CHRNA7: variants seen among roughly 807,000 people sequenced by gnomAD.
The protein encoded by CHRNA7 is cholinergic receptor nicotinic alpha 7 subunit.
In CHRNA7, 17 loss-of-function variants were observed where a neutral mutation model predicts 48.0. The observed-to-expected ratio is 0.35, with a 90% confidence interval of 0.24 to 0.53. The LOEUF (loss-of-function observed/expected upper bound fraction) is 0.53. Ranked by LOEUF, CHRNA7 falls within the 20% of genes least tolerant of loss-of-function variation. The pLI is 0.92. For missense variants in CHRNA7, 155 were observed against 577.7 expected (o/e 0.27, Z 7.50); for synonymous variants, 75 against 242.3 (o/e 0.31, Z 6.41).
At chr15:32,154,495 G>A (rs544839487) in intron 5 of CHRNA7, among the ~76,000 whole-genome samples, 11 of 10,614 alleles carry the variant, frequency 1.0e-3, no homozygotes, top group Middle Eastern at 0.012. Context: ...GCTCTCTAGC[G>A]GCTGACTTCT....
At chr15:32,095,477 T>C (rs1439217013) in intron 2 of CHRNA7, among the ~76,000 whole-genome samples, 1 of 152,204 alleles carries the variant, frequency 6.6e-6, no homozygotes, top group African/African-American at 2.4e-5. Flanking sequence ...AATAGCATTT[T>C]ATGGAAAATA....
Position 32,081,536 on chromosome 15 carries a change from C to A in CHRNA7, c.196-19767C>A, listed in dbSNP as rs144785076. Among the ~76,000 whole-genome samples, 566 of 152,076 alleles carry A rather than the reference C, an allele frequency of 3.7e-3. 4 individuals are homozygous for A. The highest frequency in any genetic ancestry group is 0.013 in the African/African-American group (532 of 41,482). The stretch of plus-strand genomic sequence containing the variant: ...ATATAAATTATTCCAATGAGTAATA[C>A]TCTATTGTTTGAATATTAGTCGTTT... On this transcript the variant is annotated intron_variant, in intron 2 of 9. Transcript: ENST00000306901.
At position 32,080,556 on chromosome 15, in the gene CHRNA7, G is replaced by A. The variant is rs182110625; in HGVS notation, c.196-20747G>A. Among the ~76,000 whole-genome samples the A allele has an allele frequency of 2.6e-5, 4 of 152,198 alleles. No homozygotes were observed. In the East Asian group the frequency reaches 5.8e-4, roughly 22 times the overall value. On this transcript the variant is annotated intron_variant, in intron 2 of 9. Transcript: ENST00000306901. ...ATATGAAAAAAAAGCTCCACATCAC[G>A]AATCATTAGAGAAATGCAAGTCAAA...
chr15:32,150,239 G>A (rs1284026141), intron 4 of CHRNA7, among the ~76,000 whole-genome samples: 2 of 151,984 alleles, frequency 1.3e-5, no homozygotes, highest in Non-Finnish European at 2.9e-5. Flanking sequence ...TTTTGTTTTT[G>A]TAGAGATGGG....
At chr15:32,042,340 G>A (rs1475243053) in intron 2 of CHRNA7, among the ~76,000 whole-genome samples, 4 of 152,186 alleles carry the variant, frequency 2.6e-5, no homozygotes, top group South Asian at 4.2e-4. Flanking sequence ...ATAATACCCC[G>A]GAGGGTTAGA....
intron 2 of CHRNA7, among the ~76,000 whole-genome samples, chr15:32,069,240 A>T (rs1353966669): frequency 6.6e-6 from 1 of 152,240 alleles, no homozygotes; most frequent in Non-Finnish European, 1.5e-5. Context: ...TATCCAGCAT[A>T]TGTTAAAGAA....
intron 4 of CHRNA7, among the ~76,000 whole-genome samples, chr15:32,116,294 G>A (rs1019597180): frequency 4.6e-5 from 7 of 152,152 alleles, no homozygotes; most frequent in African/African-American, 1.7e-4. Context: ...TGCTTTTTGA[G>A]ATATAATGCA....
intron 2 of CHRNA7, among the ~76,000 whole-genome samples, chr15:32,074,124 C>T (rs1232645728): frequency 6.6e-6 from 1 of 151,034 alleles, no homozygotes; most frequent in Non-Finnish European, 1.5e-5. Context: ...ATGCTCATTG[C>T]TGGTGTATAT....
chr15:32,170,325 G>A lies in CHRNA7; in HGVS notation c.*1867G>A, dbSNP rs1482034018. On this transcript the variant is annotated 3_prime_UTR_variant, in exon 10 of 10. Transcript: ENST00000306901. ...AAGAGACCTCACTTACGAGAAAGTT[G>A]GTGGATCAGGACATTCCAGCCTCAG... 5 of 134,466 alleles carry A rather than the reference G, an allele frequency of 3.7e-5. No homozygotes were observed. The highest frequency in any genetic ancestry group is 1.4e-4 in the African/African-American group (5 of 35,360). The allele number at this position is 134,466 out of a possible 1,614,324, so 8.3% of individuals were successfully genotyped here. A position where few individuals can be genotyped will look rare whatever the true frequency, so the allele number is the denominator to read the frequency against.
chr15:32,066,284 A>AT (rs35118714), intron 2 of CHRNA7, among the ~76,000 whole-genome samples: 1,859 of 145,610 alleles, frequency 0.013, 29 homozygotes, highest in African/African-American at 0.035. Flanking sequence ...ACATTATAGT[A>AT]TTTTTTTTTT....
chr15:32,055,938 C>T (rs537696277), intron 2 of CHRNA7, among the ~76,000 whole-genome samples: 361 of 151,760 alleles, frequency 2.4e-3, no homozygotes, highest in African/African-American at 8.4e-3. Flanking sequence ...GAGATCATGC[C>T]GCTGCACTCC....
chr15:32,054,703 A>G (rs1358496225), intron 2 of CHRNA7, among the ~76,000 whole-genome samples: 1 of 152,140 alleles, frequency 6.6e-6, no homozygotes, highest in African/African-American at 2.4e-5. Flanking sequence ...TTTTTGGTTC[A>G]TTTTTATTTT....
intron 3 of CHRNA7, chr15:32,103,412 G>GAAAAAAAAAAAAAA (rs66734254): frequency 7.3e-6 from 1 of 136,788 alleles, no homozygotes; most frequent in Non-Finnish European, 1.5e-5. Flanking sequence ...TCAATCTCAA[G>GAAAAAAAAAAAAAA]AAAAAAAAAA....
At chr15:32,062,804 A>C (rs1051485031) in intron 2 of CHRNA7, among the ~76,000 whole-genome samples, 2 of 152,160 alleles carry the variant, frequency 1.3e-5, no homozygotes, top group African/African-American at 4.8e-5. Flanking sequence ...CTTGGTGCTA[A>C]ATAGTCATTT....
chr15:32,114,019 AATATATATAT>A (rs57220454), intron 4 of CHRNA7, among the ~76,000 whole-genome samples: 2 of 109,164 alleles, frequency 1.8e-5, no homozygotes, highest in Non-Finnish European at 3.6e-5. Flanking sequence ...GCTATCTCCA[AATATATATAT>A]ATATATATAT....
At chr15:32,134,992 C>G (rs2051226661) in intron 4 of CHRNA7, among the ~76,000 whole-genome samples, 1 of 152,204 alleles carries the variant, frequency 6.6e-6, no homozygotes, top group African/African-American at 2.4e-5. Flanking sequence ...CTTCTGTGCA[C>G]CAGGTCCTGT....
intron 3 of CHRNA7, among the ~76,000 whole-genome samples, chr15:32,103,543 AT>A (rs2050610346): frequency 6.6e-6 from 1 of 152,170 alleles, no homozygotes; most frequent in African/African-American, 2.4e-5. Flanking sequence ...CCCTTGAGAT[AT>A]TCCCTTGCAG....
Position 32,030,558 on chromosome 15 carries a change from T to TG in CHRNA7, c.-35dup. On this transcript the variant is annotated 5_prime_UTR_variant, in exon 1 of 10. Transcript: ENST00000306901. ...GCAGGCCCGGGCGACAGCCGAGACGTGGAGCGCGCCGGCTCGCTGCAGCTC... is the reference window on the plus strand; with the variant it reads ...GCAGGCCCGGGCGACAGCCGAGACGTGGGAGCGCGCCGGCTCGCTGCAGCTC... 1 of 1,456,844 alleles carries TG rather than the reference T, an allele frequency of 6.9e-7. No homozygotes were observed. The highest frequency in any genetic ancestry group is 9.0e-7 in the Non-Finnish European group (1 of 1,110,428). 90.2% of individuals were successfully genotyped at this position (1,456,844 alleles called of 1,614,324 possible). A position where few individuals can be genotyped will look rare whatever the true frequency, so the allele number is the denominator to read the frequency against.
At chr15:32,115,786 T>C (rs2050859841) in intron 4 of CHRNA7, among the ~76,000 whole-genome samples, 1 of 151,778 alleles carries the variant, frequency 6.6e-6, no homozygotes, top group African/African-American at 2.4e-5. Context: ...AAAGACAAGA[T>C]GGAGAGAGGA....
Sources: allele counts gnomAD v4.1 joint callset (sites outside exome capture counted in the v4.1 genomes callset), GRCh38; gene constraint gnomAD v4.1.1; transcripts MANE v1.5; gene names NCBI Gene and HGNC (gene_info 2026-07-23, HGNC 2026-07-21).